SYCP2: variants seen among roughly 807,000 people sequenced by gnomAD.
SYCP2 encodes the protein synaptonemal complex protein 2, also known as synaptonemal complex lateral element protein.
In SYCP2, 55 loss-of-function variants were observed where a neutral mutation model predicts 211.3. The observed-to-expected ratio is 0.26, with a 90% CI of 0.21 to 0.33. The LOEUF (loss-of-function observed/expected upper bound fraction) is 0.33, where lower values mean the gene tolerates loss of function less well. SYCP2 is among the 10% of genes least tolerant of loss of function. SYCP2 has a pLI of 1.00. For missense variants in SYCP2, 1,731 were observed against 1,752.0 expected, an observed-to-expected ratio of 0.99 and a Z score of 0.21; for synonymous variants, 570 against 555.2, an observed-to-expected ratio of 1.03 and a Z score of -0.37.
In SYCP2 at chr20:59,918,663, T is replaced by G. The variant is rs548871841; in HGVS notation, c.427+495A>C. Among the ~76,000 whole-genome samples, 51 of 152,300 alleles carry G rather than the reference T, an allele frequency of 3.3e-4. No individual in the cohort carries two copies. The South Asian group carries it at 9.9e-3, about 30-fold the overall frequency. On this transcript the variant is annotated intron_variant, in intron 7 of 44. Coordinates refer to ENST00000357552, the MANE Select transcript of SYCP2 (RefSeq NM_014258.4). ...ACACGCTCAATTAAAAGCATGCTTA[T>G]GCACTGATATCAGTATTTGGCATTG...
At chr20:59,887,761 C>G (rs756992114) in intron 24 of SYCP2, among the ~76,000 whole-genome samples, 11 of 148,260 alleles carry the variant, frequency 7.4e-5, no homozygotes, top group African/African-American at 2.7e-4. Flanking sequence ...TTGAAAAGAT[C>G]AATAAAATTG....
chr20:59,904,017 T>C (rs1159330251), intron 15 of SYCP2, among the ~76,000 whole-genome samples: 1 of 152,170 alleles, frequency 6.6e-6, no homozygotes, highest in African/African-American at 2.4e-5. Flanking sequence ...TTGCTAATTC[T>C]GTTTGTAGGC....
intron 36 of SYCP2, among the ~76,000 whole-genome samples, chr20:59,869,459 T>TG (rs1327576645): frequency 2.6e-5 from 4 of 151,702 alleles, no homozygotes; most frequent in Non-Finnish European, 4.4e-5. Context: ...TTTTTATTGA[T>TG]GGATGGATGG....
chr20:59,900,733 C>G lies in SYCP2; in HGVS notation c.1257+11G>C. On this transcript the variant is annotated intron_variant, in intron 17 of 44. Transcript: ENST00000357552. ...GCCCAGTGATAAAAATCAAGTAAGTCTGAGACATACCTGTGATCCACTTGC... is the reference window on the plus strand; with the variant it reads ...GCCCAGTGATAAAAATCAAGTAAGTGTGAGACATACCTGTGATCCACTTGC... 7 of 1,610,184 alleles carry G rather than the reference C, an allele frequency of 4.3e-6. No individual in the cohort carries two copies. The highest frequency in any genetic ancestry group is 5.9e-6 in the Non-Finnish European group (7 of 1,177,140).
chr20:59,921,528 G>T, intron 3 of SYCP2, 75 bp from the exon 4 acceptor site: 2 of 1,126,666 alleles, frequency 1.8e-6, no homozygotes, highest in Non-Finnish European at 2.3e-6. Flanking sequence ...AGTAATTTGA[G>T]AACCGTTTTC....
intron 32 of SYCP2, 21 bp downstream of exon 32, chr20:59,877,987 A>C: frequency 6.3e-7 from 1 of 1,578,220 alleles, no homozygotes; most frequent in Non-Finnish European, 8.6e-7. Context: ...GGGATGTTTG[A>C]ACACAAACTT....
At chr20:59,886,589 T>G (rs2059793036) in intron 25 of SYCP2, 118 bp downstream of exon 25, 1 of 647,276 alleles carries the variant, frequency 1.5e-6, no homozygotes, top group Non-Finnish European at 2.4e-6. Context: ...AGTAACCATG[T>G]GTTTTCTACT....
chr20:59,896,624 C>G (rs1261434369), intron 18 of SYCP2, 96 bp from the exon 19 acceptor site: 1 of 621,238 alleles, frequency 1.6e-6, no homozygotes, highest in African/African-American at 1.9e-5. Flanking sequence ...TGATACATGC[C>G]AAAGATATAT....
At chr20:59,912,526 T>C (rs1417172715) in intron 12 of SYCP2, 108 bp from the exon 13 acceptor site, 2 of 454,168 alleles carry the variant, frequency 4.4e-6, no homozygotes, top group African/African-American at 4.1e-5. Flanking sequence ...GCAGTGGTCA[T>C]AATAATTGAA....
intron 2 of SYCP2, among the ~76,000 whole-genome samples, chr20:59,925,598 G>C (rs543525223): frequency 1.3e-5 from 2 of 152,042 alleles, no homozygotes; most frequent in Non-Finnish European, 2.9e-5. Flanking sequence ...TGGCACCTCA[G>C]CCTATTTAAT....
chr20:59,895,418 A>G lies in SYCP2; in HGVS notation c.1665+19T>C, dbSNP rs191239700. On this transcript the variant is annotated intron_variant, in intron 20 of 44. Transcript: ENST00000357552. ...TTACTTGAAAAAATATTTTTAAAAT[A>G]CTTTCAAGGTAAAGTTACTTTGTCT... The G allele has an allele frequency of 6.6e-4, 1,039 of 1,566,150 alleles. 5 individuals carry two copies. The highest frequency in any genetic ancestry group is 2.5e-4 in the Non-Finnish European group (294 of 1,156,404).
intron 33 of SYCP2, among the ~76,000 whole-genome samples, chr20:59,876,231 C>T (rs1162903392): frequency 3.3e-5 from 5 of 150,974 alleles, no homozygotes; most frequent in African/African-American, 9.7e-5. Flanking sequence ...ATTAGCTGGG[C>T]GTGGTGGCGT....
chr20:59,866,431 T>C (rs1282639490), intron 40 of SYCP2, 39 bp from the exon 41 acceptor site: 6 of 1,558,130 alleles, frequency 3.9e-6, no homozygotes, highest in Admixed American at 1.8e-5. Flanking sequence ...TTAAAAACTG[T>C]AGCATTCAGA....
chr20:59,900,445 G>A (rs1002520218), intron 17 of SYCP2, among the ~76,000 whole-genome samples, 161 bp from the exon 18 acceptor site: 4 of 151,986 alleles, frequency 2.6e-5, no homozygotes, highest in African/African-American at 9.7e-5. Context: ...CCAATAAAAA[G>A]TATCCATTTT....
chr20:59,925,213 G>A (rs1346269306), intron 2 of SYCP2, among the ~76,000 whole-genome samples: 1 of 151,998 alleles, frequency 6.6e-6, no homozygotes, highest in Non-Finnish European at 1.5e-5. Flanking sequence ...ACTGGTGCCT[G>A]GTGGGGCAGC....
chr20:59,902,051 T>C lies in SYCP2; in HGVS notation c.1034-241A>G, dbSNP rs1384119826. ...CAGGATATGGCTATAACTAATAAGA[T>C]AGAATCCTAAATACATTCTGGACTC... On this transcript the variant is annotated intron_variant, in intron 15 of 44. Coordinates refer to ENST00000357552, the MANE Select transcript of SYCP2 (RefSeq NM_014258.4). 3.3e-5 allele frequency among the ~76,000 whole-genome samples: 5 copies of C among 152,056 alleles called. No homozygotes were observed. In the East Asian group the frequency reaches 5.8e-4, roughly 18 times the overall value.
intron 18 of SYCP2, among the ~76,000 whole-genome samples, chr20:59,898,314 CA>C (rs1483041985): frequency 1.3e-5 from 2 of 152,082 alleles, no homozygotes; most frequent in African/African-American, 4.8e-5. Flanking sequence ...GACTTAGAAC[CA>C]ACCCAAATGC....
At chr20:59,867,157 C>G (rs1379755766) in intron 39 of SYCP2, among the ~76,000 whole-genome samples, 4 of 61,856 alleles carry the variant, frequency 6.5e-5, no homozygotes, top group Non-Finnish European at 9.4e-5. Context: ...ATCTTTTATT[C>G]AAAGGAGGGC....
chr20:59,893,426 T>G, intron 21 of SYCP2, 98 bp downstream of exon 21: 1 of 866,444 alleles, frequency 1.2e-6, no homozygotes, highest in East Asian at 2.7e-5. Flanking sequence ...GTAAATCTTT[T>G]TCAAATCAAT....
Sources: gnomAD v4.1 joint callset for allele counts (sites outside exome capture counted in the v4.1 genomes callset) on GRCh38, gnomAD v4.1.1 for gene constraint, MANE v1.5 for transcripts, NCBI Gene and HGNC (gene_info 2026-07-23, HGNC 2026-07-21) for gene names.